The following OR2J3 variants were observed in gnomAD, a reference collection of about 807,000 sequenced individuals.
OR2J3 encodes the protein olfactory receptor family 2 subfamily J member 3, also known as olfactory receptor 2J3.
Under a neutral mutation model 18.5 loss-of-function variants are expected in OR2J3, and 13 were observed. The observed-to-expected ratio is 0.70, with a 90% confidence interval of 0.46 to 1.12. The LOEUF (loss-of-function observed/expected upper bound fraction) is 1.12, where lower values mean the gene tolerates loss of function less well. Ranked by LOEUF, OR2J3 falls within the 50% of genes most tolerant of loss-of-function variation. The probability of loss-of-function intolerance (pLI) is 0.00; values close to 1 mark genes in which losing one functional copy is unlikely to be tolerated. For synonymous variants in OR2J3, 142 were observed against 140.6 expected (o/e 1.01, Z -0.07); for missense variants, 321 against 371.6 (o/e 0.86, Z 1.12).
At chr6:29,111,292 A>G (rs754525881) in intron 3 of OR2J3, among the ~76,000 whole-genome samples, 1 of 152,132 alleles carries the variant, frequency 6.6e-6, no homozygotes, top group Non-Finnish European at 1.5e-5. Context: ...TGTCTTCATT[A>G]TTAGAATTAG....
At chr6:29,111,848 T>G (rs776461549) in intron 3 of OR2J3, 33 bp from the exon 4 acceptor site, 9 of 1,543,094 alleles carry the variant, frequency 5.8e-6, no homozygotes, top group Non-Finnish European at 7.0e-6. Flanking sequence ...GTTTACTCGT[T>G]TTTTGAGTTT....
chr6:29,112,730 T>C lies in OR2J3; in HGVS notation c.840T>C (p.Phe280=). Residue 280 remains phenylalanine (F), a synonymous_variant, in exon 4 of 4, where the codon TTT becomes TTC. Transcript: ENST00000641151. Reference sequence around the variant, plus strand: ...ATCAAGGCAAGTTCATTGCCCTCTTTTATACTGTTGTCACACCTAGTCTTA... The same window carrying C: ...ATCAAGGCAAGTTCATTGCCCTCTTCTATACTGTTGTCACACCTAGTCTTA... ...SQDQGKFIAL[F]YTVVTPSLNP... 6.2e-7 allele frequency: 1 copy of C among 1,614,078 alleles called. No individual in the cohort carries two copies.
intron 3 of OR2J3, chr6:29,111,655 A>G (rs1325233348): frequency 4.0e-6 from 2 of 496,150 alleles, no homozygotes; most frequent in Non-Finnish European, 7.0e-6. Context: ...TGTAAGGAAT[A>G]GCTTTATCTT....
chr6:29,112,123 C>G lies in OR2J3; in HGVS notation c.233C>G (p.Thr78Ser). 6.2e-7 allele frequency: 1 copy of G among 1,614,138 alleles called. No individual in the cohort carries two copies. Among genetic ancestry groups the G allele is most frequent in the Non-Finnish European group, 8.5e-7 (1 of 1,180,036 alleles). ...TCATTTCTGGATCTCTGCTACACCA[C>G]CAGCTCTATCCCTCAGTTGCTGGTC... ...NLSFLDLCYT[T>S]SSIPQLLVNL... Residue 78 changes from threonine to serine, a missense_variant, in exon 4 of 4, where the codon ACC (threonine) becomes AGC (serine). Thr to Ser is a moderately conservative substitution (Grantham distance 58). Transcript: ENST00000641151.
intron 3 of OR2J3, among the ~76,000 whole-genome samples, chr6:29,110,516 C>T (rs537054114): frequency 2.0e-5 from 3 of 152,074 alleles, no homozygotes; most frequent in Admixed American, 6.6e-5. Flanking sequence ...AACTAAAGTT[C>T]CTTATTTATT....
chr6:29,113,041 T>C lies in OR2J3; in HGVS notation c.*215T>C. ...TTGTGGAGAAAACAGCTATGTAAAA[T>C]CAAGATAAAACATCTATAGTGATGT... On this transcript the variant is annotated 3_prime_UTR_variant, in exon 4 of 4. Coordinates refer to ENST00000641151, the MANE Select transcript of OR2J3 (RefSeq NM_001005216.4). 1 of 565,244 alleles carries C rather than the reference T, an allele frequency of 1.8e-6. No individual in the cohort carries two copies. The highest frequency in any genetic ancestry group is 2.8e-5 in the South Asian group (1 of 35,870). 35.0% of individuals were successfully genotyped at this position (565,244 alleles called of 1,614,324 possible). A position where few individuals can be genotyped will look rare whatever the true frequency, so the allele number is the denominator to read the frequency against.
rs1318009021 is a variant in OR2J3 at position 29,112,865 on chromosome 6, C to T, written c.*39C>T. On this transcript the variant is annotated 3_prime_UTR_variant, in exon 4 of 4. Coordinates refer to ENST00000641151, the MANE Select transcript of OR2J3 (RefSeq NM_001005216.4). ...TCATATTAACAATATAACAGAGTCTCCCCTCACAATGATTCATCCTTCTAT... is the reference window on the plus strand; with the variant it reads ...TCATATTAACAATATAACAGAGTCTTCCCTCACAATGATTCATCCTTCTAT... The T allele has an allele frequency of 4.5e-6, 7 of 1,552,720 alleles. No homozygotes were observed. The highest frequency in any genetic ancestry group is 6.1e-6 in the Non-Finnish European group (7 of 1,153,268).
At chr6:29,110,508 C>T (rs1762084102) in intron 3 of OR2J3, among the ~76,000 whole-genome samples, 1 of 152,044 alleles carries the variant, frequency 6.6e-6, no homozygotes, top group Non-Finnish European at 1.5e-5. Flanking sequence ...GAAAAGAAAA[C>T]TAAAGTTCCT....
In OR2J3 at chr6:29,112,610, G is replaced by T; in HGVS notation, c.720G>T (p.Val240=). Residue 240 remains valine, a synonymous_variant, in exon 4 of 4, where the codon GTG becomes GTT. Transcript: ENST00000641151. ...AGTCAACCACTGGGCTTCAGAAAGT[G>T]TTTGGAACATGTGGAGCTCATCTTA... ...RMQSTTGLQK[V]FGTCGAHLMA... 6.2e-7 allele frequency: 1 copy of T among 1,614,090 alleles called. No homozygotes were observed. Among genetic ancestry groups the T allele is most frequent in the Non-Finnish European group, 8.5e-7 (1 of 1,179,994 alleles).
chr6:29,114,526 A>T lies in OR2J3; in HGVS notation c.*1700A>T, dbSNP rs1448593391. The T allele has an allele frequency of 1.3e-5, 2 of 150,736 alleles. No individual in the cohort carries two copies. Among genetic ancestry groups the T allele is most frequent in the Non-Finnish European group, 3.0e-5 (2 of 67,648 alleles). The allele number at this position is 150,736 out of a possible 1,614,324, so 9.3% of individuals were successfully genotyped here. A position where few individuals can be genotyped will look rare whatever the true frequency, so the allele number is the denominator to read the frequency against. ...TACAGCATAATGTTTTGACATATGC[A>T]TAATTATGCAATTATTACTCAAGCT... On this transcript the variant is annotated 3_prime_UTR_variant, in exon 4 of 4. Coordinates refer to ENST00000641151, the MANE Select transcript of OR2J3 (RefSeq NM_001005216.4).
intron 3 of OR2J3, chr6:29,109,670 G>T (rs971009882): frequency 1.3e-5 from 2 of 152,134 alleles, no homozygotes; most frequent in African/African-American, 4.8e-5. Flanking sequence ...GGGTTGCTAT[G>T]CCTGACACAA....
Position 29,112,904 on chromosome 6 carries a change from A to C in OR2J3, c.*78A>C. 6.8e-7 allele frequency: 1 copy of C among 1,467,694 alleles called. No individual in the cohort carries two copies. 90.9% of individuals were successfully genotyped at this position (1,467,694 alleles called of 1,614,324 possible). A position where few individuals can be genotyped will look rare whatever the true frequency, so the allele number is the denominator to read the frequency against. ...TCATCCTTCTATTTATTTATCAACC[A>C]TTCTTTTATTCACTCACTCTGTTAG... On this transcript the variant is annotated 3_prime_UTR_variant, in exon 4 of 4. Transcript: ENST00000641151.
Position 29,108,520 on chromosome 6 carries a change from C to A in OR2J3, c.-180-17C>A, listed in dbSNP as rs1762006898. ...TGAGATTTTTTTTGATAATTTCTTT[C>A]TTTTTATTTTTTGTAGAGACATGGT... On this transcript the variant is annotated splice_polypyrimidine_tract_variant and intron_variant, in intron 1 of 3. Coordinates refer to ENST00000641151, the MANE Select transcript of OR2J3 (RefSeq NM_001005216.4). The A allele has an allele frequency of 6.6e-6, 1 of 151,840 alleles. No individual in the cohort carries two copies. The highest frequency in any genetic ancestry group is 1.5e-5 in the Non-Finnish European group (1 of 67,972). The allele number at this position is 151,840 out of a possible 1,614,324, so 9.4% of individuals were successfully genotyped here. A position where few individuals can be genotyped will look rare whatever the true frequency, so the allele number is the denominator to read the frequency against.
At chr6:29,111,107 T>C (rs560906071) in intron 3 of OR2J3, among the ~76,000 whole-genome samples, 2 of 151,208 alleles carry the variant, frequency 1.3e-5, no homozygotes, top group Non-Finnish European at 3.0e-5. Flanking sequence ...ATTGTCTCAA[T>C]AATTTTGTTA....
chr6:29,108,381 C>T (rs555421550), intron 1 of OR2J3, 86 bp downstream of exon 1: 6 of 152,230 alleles, frequency 3.9e-5, no homozygotes, highest in South Asian at 2.1e-4. Flanking sequence ...TTTCTCCCTC[C>T]GTTATACCTG....
At chr6:29,109,269 T>C (rs1443433332) in intron 3 of OR2J3, among the ~76,000 whole-genome samples, 1 of 152,212 alleles carries the variant, frequency 6.6e-6, no homozygotes, top group Non-Finnish European at 1.5e-5. Flanking sequence ...GCAGACTGAT[T>C]TTCCTGGATG....
In OR2J3 at chr6:29,112,528, C is replaced by G; in HGVS notation, c.638C>G (p.Pro213Arg). 1 of 1,614,046 alleles carries G rather than the reference C, an allele frequency of 6.2e-7. No homozygotes were observed. Among genetic ancestry groups the G allele is most frequent in the Non-Finnish European group, 8.5e-7 (1 of 1,179,966 alleles). ...ACAAGCTCCATATTTGTTCTCATAC[C>G]TCTCATCCTCATTCTCACTTCTTAT... ...MITSSIFVLI[P>R]LILILTSYGA... Residue 213 changes from proline to arginine, a missense_variant, in exon 4 of 4, where the codon CCT (proline) becomes CGT (arginine). Coordinates refer to ENST00000641151, the MANE Select transcript of OR2J3 (RefSeq NM_001005216.4).
chr6:29,114,180 C>T lies in OR2J3; in HGVS notation c.*1354C>T, dbSNP rs1042700880. The T allele has an allele frequency of 1.3e-5, 2 of 152,136 alleles. No homozygotes were observed. The highest frequency in any genetic ancestry group is 6.6e-5 in the Admixed American group (1 of 15,256). The allele number at this position is 152,136 out of a possible 1,614,324, so 9.4% of individuals were successfully genotyped here. ...TTATCTTCCTTCTGCATCTCTGACT[C>T]TTCCTTTATTTCTAACTAGGCATGA... On this transcript the variant is annotated 3_prime_UTR_variant, in exon 4 of 4. Transcript: ENST00000641151.
chr6:29,110,889 A>G (rs573526050), intron 3 of OR2J3, among the ~76,000 whole-genome samples: 1 of 146,194 alleles, frequency 6.8e-6, no homozygotes, highest in African/African-American at 2.7e-5. Context: ...CTATCTATCT[A>G]TCTATCTACC....
Sources: gnomAD v4.1 joint callset for allele counts (sites outside exome capture counted in the v4.1 genomes callset) on GRCh38, gnomAD v4.1.1 for gene constraint, MANE v1.5 for transcripts, NCBI Gene and HGNC (gene_info 2026-07-23, HGNC 2026-07-21) for gene names.